The following MCUB variants were observed in gnomAD, a reference collection of about 807,000 sequenced individuals.
MCUB encodes calcium uniporter regulatory subunit MCUb, mitochondrial.
In MCUB, 46 loss-of-function variants were observed where a neutral mutation model predicts 41.4. The observed-to-expected ratio is 1.11, with a 90% confidence interval of 0.88 to 1.42. The LOEUF is 1.42. Ranked by LOEUF, MCUB falls within the 40% of genes most tolerant of loss-of-function variation. The pLI is 0.00. For missense variants in MCUB, 403 were observed against 404.9 expected (o/e 1.00, Z 0.04); for synonymous variants, 148 against 148.2 (o/e 1.00, Z 0.01).
intron 1 of MCUB, among the ~76,000 whole-genome samples, chr4:109,626,206 C>T (rs1440309453): frequency 6.6e-6 from 1 of 152,120 alleles, no homozygotes; most frequent in Non-Finnish European, 1.5e-5. Flanking sequence ...CTCACCAATC[C>T]CAAATTCCTT....
chr4:109,564,473 C>T (rs1349786959), intron 1 of MCUB, among the ~76,000 whole-genome samples: 1 of 152,148 alleles, frequency 6.6e-6, no homozygotes, highest in Non-Finnish European at 1.5e-5. Context: ...CCATATCTTG[C>T]CTCTCTTTCA....
rs145163463 is a variant in MCUB, at chr4:109,678,947, G to A, written c.452-3635G>A. On this transcript the variant is annotated intron_variant, in intron 4 of 7. Transcript: ENST00000394650. ...CCTCACATCCCAGACAGGGTGGCCG[G>A]GCAGAGGCGCTCCTCACTTCCCATT... Among the ~76,000 whole-genome samples the A allele has an allele frequency of 4.7e-5, 7 of 149,584 alleles. No homozygotes were observed. The East Asian group carries it at 1.4e-3, about 30-fold the overall frequency.
intron 1 of MCUB, among the ~76,000 whole-genome samples, chr4:109,590,375 A>G (rs1424401029): frequency 5.9e-5 from 9 of 152,346 alleles, no homozygotes; most frequent in African/African-American, 1.7e-4. Context: ...TGATGAGAAT[A>G]GTGAAAACTA....
chr4:109,560,334 G>C lies in MCUB; in HGVS notation c.-4G>C. ...TGCGGGAGCCGCGCGCCTGGGGCGGGAGGATGCTCCAGAGGGGCCTCTGGC... is the reference window on the plus strand; with the variant it reads ...TGCGGGAGCCGCGCGCCTGGGGCGGCAGGATGCTCCAGAGGGGCCTCTGGC... On this transcript the variant is annotated 5_prime_UTR_variant, in exon 1 of 8. Transcript: ENST00000394650. The C allele has an allele frequency of 8.0e-7, 1 of 1,257,606 alleles. No homozygotes were observed. Among genetic ancestry groups the C allele is most frequent in the Non-Finnish European group, 1.0e-6 (1 of 999,546 alleles). 77.9% of individuals were successfully genotyped at this position (1,257,606 alleles called of 1,614,324 possible). A position where few individuals can be genotyped will look rare whatever the true frequency, so the allele number is the denominator to read the frequency against.
chr4:109,648,660 G>A, intron 1 of MCUB: 2 of 427,950 alleles, frequency 4.7e-6, no homozygotes, highest in South Asian at 3.4e-5. Context: ...GCAAGTAAGA[G>A]TTCATCAAAA....
At chr4:109,601,359 G>C (rs75040432) in intron 1 of MCUB, among the ~76,000 whole-genome samples, 1 of 151,944 alleles carries the variant, frequency 6.6e-6, no homozygotes, top group Admixed American at 6.6e-5. Context: ...TTTTGGGGGG[G>C]TACCTGTTAA....
chr4:109,621,020 T>A (rs1006300367), intron 1 of MCUB, among the ~76,000 whole-genome samples: 9 of 152,030 alleles, frequency 5.9e-5, no homozygotes, highest in African/African-American at 2.2e-4. Flanking sequence ...TGCTTCAGCC[T>A]CCTGAGTAGC....
intron 3 of MCUB, among the ~76,000 whole-genome samples, chr4:109,660,826 A>T (rs1192343522): frequency 2.0e-5 from 3 of 152,084 alleles, no homozygotes; most frequent in African/African-American, 4.8e-5. Context: ...CAAGAAAAGA[A>T]AATTAAAAAA....
chr4:109,562,667 T>C (rs975537755), intron 1 of MCUB, among the ~76,000 whole-genome samples: 9 of 152,208 alleles, frequency 5.9e-5, no homozygotes, highest in African/African-American at 1.9e-4. Flanking sequence ...AACAAGTAGT[T>C]TGTGACCTGA....
intron 1 of MCUB, among the ~76,000 whole-genome samples, chr4:109,649,524 C>T (rs1230161221): frequency 6.6e-6 from 1 of 152,140 alleles, no homozygotes; most frequent in Non-Finnish European, 1.5e-5. Context: ...CTATAGAATT[C>T]AAGGTTGATT....
chr4:109,569,845 T>G (rs1337118900), intron 1 of MCUB, among the ~76,000 whole-genome samples: 1 of 152,154 alleles, frequency 6.6e-6, no homozygotes, highest in Non-Finnish European at 1.5e-5. Flanking sequence ...CTTATCTTGT[T>G]CCAGTGGCTG....
At chr4:109,567,466 C>A (rs1431158505) in intron 1 of MCUB, among the ~76,000 whole-genome samples, 1 of 143,496 alleles carries the variant, frequency 7.0e-6, no homozygotes, top group Admixed American at 7.0e-5. Context: ...TTTTGGAGAT[C>A]GAGACCATCT....
At chr4:109,580,659 T>C (rs1301223052) in intron 1 of MCUB, among the ~76,000 whole-genome samples, 1 of 152,254 alleles carries the variant, frequency 6.6e-6, no homozygotes, top group African/African-American at 2.4e-5. Flanking sequence ...CATGTGTCTG[T>C]TGGCTGCATA....
At chr4:109,622,774 A>G (rs943269527) in intron 1 of MCUB, among the ~76,000 whole-genome samples, 1 of 152,158 alleles carries the variant, frequency 6.6e-6, no homozygotes, top group African/African-American at 2.4e-5. Flanking sequence ...GTGTGAAGCA[A>G]TGTGCATTTG....
intron 4 of MCUB, among the ~76,000 whole-genome samples, chr4:109,667,859 T>G (rs969067081): frequency 6.6e-6 from 1 of 151,880 alleles, no homozygotes; most frequent in African/African-American, 2.4e-5. Flanking sequence ...TTTTCATTTA[T>G]TTTAAAATAT....
intron 1 of MCUB, among the ~76,000 whole-genome samples, chr4:109,603,093 C>A (rs1237111391): frequency 6.6e-6 from 1 of 152,190 alleles, no homozygotes; most frequent in Non-Finnish European, 1.5e-5. Flanking sequence ...CTCTCCCTCT[C>A]CATCTCCCTC....
chr4:109,622,182 A>C (rs1260237470), intron 1 of MCUB, among the ~76,000 whole-genome samples: 3 of 151,992 alleles, frequency 2.0e-5, no homozygotes, highest in Admixed American at 6.6e-5. Context: ...GTGCCTGGTG[A>C]GCATTTTTAA....
At chr4:109,630,297 AAAAAT>A (rs1160639102) in intron 1 of MCUB, among the ~76,000 whole-genome samples, 4 of 152,216 alleles carry the variant, frequency 2.6e-5, no homozygotes, top group African/African-American at 7.2e-5. Context: ...TTGTCTCTGA[AAAAAT>A]AAAATAAAAA....
chr4:109,661,619 TA>T (rs1729233146), intron 3 of MCUB, among the ~76,000 whole-genome samples: 2 of 152,086 alleles, frequency 1.3e-5, no homozygotes, highest in Admixed American at 1.3e-4. Context: ...TGTTAAATAA[TA>T]AGTGTTACGA....
Sources: allele counts gnomAD v4.1 joint callset (sites outside exome capture counted in the v4.1 genomes callset), GRCh38; gene constraint gnomAD v4.1.1; transcripts MANE v1.5; gene names NCBI Gene and HGNC (gene_info 2026-07-23, HGNC 2026-07-21).